Variants in CNTNAP2 observed in about 807,000 individuals in gnomAD.
CNTNAP2 encodes contactin-associated protein-like 2.
A neutral mutation model predicts 155.2 loss-of-function variants in CNTNAP2; 98 were observed. That is an observed-to-expected ratio of 0.63 (90% CI 0.54 to 0.75). The LOEUF is 0.75. Among genes scored for constraint, CNTNAP2 ranks in the 30% least tolerant of loss-of-function variants. CNTNAP2 has a pLI of 0.00. For missense variants in CNTNAP2, 1,727 were observed against 1,688.1 expected, an observed-to-expected ratio of 1.02 and a Z score of -0.40; for synonymous variants, 651 against 631.2, an observed-to-expected ratio of 1.03 and a Z score of -0.47.
intron 13 of CNTNAP2, among the ~76,000 whole-genome samples, chr7:147,810,318 A>G (rs1584967749): frequency 6.6e-6 from 1 of 152,032 alleles, no homozygotes; most frequent in South Asian, 2.1e-4. Context: ...GGATAGGCAA[A>G]GTAGACTTGG....
chr7:146,345,673 A>G (rs1210064466), intron 1 of CNTNAP2, among the ~76,000 whole-genome samples: 1 of 152,212 alleles, frequency 6.6e-6, no homozygotes, highest in Non-Finnish European at 1.5e-5. Flanking sequence ...TTCAATATGC[A>G]ATTTTAAACA....
At chr7:146,372,290 C>T (rs2129102922) in intron 1 of CNTNAP2, among the ~76,000 whole-genome samples, 1 of 152,296 alleles carries the variant, frequency 6.6e-6, no homozygotes, top group East Asian at 1.9e-4. Flanking sequence ...AATTTCTTTT[C>T]AGCCAATGCC....
rs71165017 is a variant in CNTNAP2 at position 146,596,595 on chromosome 7, C to CAGACAGAGAGAG, written c.98-177673_98-177672insCAGAGAGAGAGA. On this transcript the variant is annotated intron_variant, in intron 1 of 23. Coordinates refer to ENST00000361727, the MANE Select transcript of CNTNAP2 (RefSeq NM_014141.6). The stretch of plus-strand genomic sequence containing the variant: ...AAGAAAGAGAGAGATAGAAGGGAGA[C>CAGACAGAGAGAG]AGAGAGAGAGAGAGAGAGAGAGAGA... Among the ~76,000 whole-genome samples, 112 of 105,066 alleles carry CAGACAGAGAGAG rather than the reference C, an allele frequency of 1.1e-3. 1 individual carries two copies. Among genetic ancestry groups the CAGACAGAGAGAG allele is most frequent in the Non-Finnish European group, 1.8e-3 (91 of 50,930 alleles). 68.9% of individuals were successfully genotyped at this position (105,066 alleles called of 152,430 possible).
At position 146,721,227 on chromosome 7, in the gene CNTNAP2, TTCTCTATATACTC is replaced by T. The variant is rs1447146554; in HGVS notation, c.98-53034_98-53022del. Among the ~76,000 whole-genome samples the T allele has an allele frequency of 9.0e-5, 12 of 133,224 alleles. No individual in the cohort carries two copies. In the South Asian group the frequency reaches 2.6e-3, roughly 29 times the overall value. 87.4% of individuals were successfully genotyped at this position (133,224 alleles called of 152,430 possible). ...TCTCTGTATATATTCTCTATATATA[TTCTCTATATACTC>T]TCTCTATATTCTCTATATACTCTCT... is the stretch of plus-strand genomic sequence containing the variant. On this transcript the variant is annotated intron_variant, in intron 1 of 23. Transcript: ENST00000361727.
intron 1 of CNTNAP2, among the ~76,000 whole-genome samples, chr7:146,480,676 T>TA (rs1563100441): frequency 4.0e-5 from 5 of 125,366 alleles, no homozygotes; most frequent in South Asian, 2.3e-4. Flanking sequence ...ATATATATAT[T>TA]TTTTTTTTTC....
chr7:147,021,713 A>G (rs980316317), intron 3 of CNTNAP2, among the ~76,000 whole-genome samples: 17 of 152,170 alleles, frequency 1.1e-4, no homozygotes, highest in African/African-American at 4.1e-4. Context: ...CAACAAACTT[A>G]ATCTTATTAT....
intron 15 of CNTNAP2, among the ~76,000 whole-genome samples, chr7:148,080,932 A>G (rs1803591557): frequency 1.3e-5 from 2 of 152,160 alleles, no homozygotes; most frequent in African/African-American, 4.8e-5. Flanking sequence ...ATGTATGTGG[A>G]TGGATTCTTA....
intron 13 of CNTNAP2, among the ~76,000 whole-genome samples, chr7:147,859,809 C>T (rs1799106432): frequency 6.6e-6 from 1 of 151,956 alleles, no homozygotes; most frequent in Non-Finnish European, 1.5e-5. Context: ...AAATATTGCC[C>T]ACAGAATTGG....
rs1315073542 is a variant in CNTNAP2, at chr7:146,507,192, CAAGCCTG to C, written c.98-267075_98-267069del. On this transcript the variant is annotated intron_variant, in intron 1 of 23. Coordinates refer to ENST00000361727, the MANE Select transcript of CNTNAP2 (RefSeq NM_014141.6). ...TGTAGCCCTTCCTGTCACACTCTCA[CAAGCCTG>C]AAGGGTGGCATATACAGTTGTTAAT... Among the ~76,000 whole-genome samples, 16 of 152,312 alleles carry C rather than the reference CAAGCCTG, an allele frequency of 1.1e-4. No homozygotes were observed. The East Asian group carries it at 2.5e-3, about 24-fold the overall frequency.
chr7:147,806,414 A>G (rs1798092489), intron 13 of CNTNAP2, among the ~76,000 whole-genome samples: 1 of 152,206 alleles, frequency 6.6e-6, no homozygotes, highest in South Asian at 2.1e-4. Flanking sequence ...TAGTATAGTC[A>G]TTATGGAAAA....
intron 1 of CNTNAP2, among the ~76,000 whole-genome samples, chr7:146,722,694 C>A (rs11760743): frequency 1.4e-3 from 202 of 149,474 alleles, no homozygotes; most frequent in Non-Finnish European, 2.4e-3. Context: ...GACTGAATTG[C>A]GTCCACACAC....
intron 1 of CNTNAP2, among the ~76,000 whole-genome samples, chr7:146,669,413 T>TA (rs1372685360): frequency 6.6e-6 from 1 of 152,184 alleles, no homozygotes; most frequent in Non-Finnish European, 1.5e-5. Flanking sequence ...GATTAAGTAA[T>TA]ATACACAGGA....
rs112926342 is a variant in CNTNAP2, at chr7:147,243,061, G to A, written c.1349-57080G>A. On this transcript the variant is annotated intron_variant, in intron 8 of 23. Coordinates refer to ENST00000361727, the MANE Select transcript of CNTNAP2 (RefSeq NM_014141.6). ...TCGCCAGGCTGGAGTGCAGTGGTGCGATCCTAGCTCACTGCAACCTCCGTC... is the reference window on the plus strand; with the variant it reads ...TCGCCAGGCTGGAGTGCAGTGGTGCAATCCTAGCTCACTGCAACCTCCGTC... Among the ~76,000 whole-genome samples, 738 of 129,036 alleles carry A rather than the reference G, an allele frequency of 5.7e-3. 9 individuals carry two copies. The highest frequency in any genetic ancestry group is 0.02 in the African/African-American group (681 of 33,396). 84.7% of individuals were successfully genotyped at this position (129,036 alleles called of 152,430 possible).
intron 9 of CNTNAP2, among the ~76,000 whole-genome samples, chr7:147,358,352 A>G (rs1283571228): frequency 6.6e-5 from 10 of 152,194 alleles, no homozygotes; most frequent in Admixed American, 5.9e-4. Context: ...TAATGAAAAT[A>G]TCATATGGTA....
At chr7:147,285,604 T>C (rs1805158320) in intron 8 of CNTNAP2, among the ~76,000 whole-genome samples, 1 of 152,026 alleles carries the variant, frequency 6.6e-6, no homozygotes, top group Non-Finnish European at 1.5e-5. Context: ...TAAAAATACT[T>C]TTTGCATTGC....
intron 1 of CNTNAP2, among the ~76,000 whole-genome samples, chr7:146,741,307 T>G (rs192230180): frequency 6.6e-6 from 1 of 152,274 alleles, no homozygotes; most frequent in East Asian, 1.9e-4. Context: ...TGTGAAGGGA[T>G]GCTTGCTGGA....
In CNTNAP2 at chr7:147,631,946, C is replaced by T. The variant is rs141472414; in HGVS notation, c.1898-7160C>T. On this transcript the variant is annotated intron_variant, in intron 12 of 23. Coordinates refer to ENST00000361727, the MANE Select transcript of CNTNAP2 (RefSeq NM_014141.6). ...GGCAAAAATTTCATGACAAAGCATC[C>T]GAAAGCAAATGCACCAAAAACAAAG... 7.2e-5 allele frequency among the ~76,000 whole-genome samples: 11 copies of T among 152,144 alleles called. No homozygotes were observed. In the East Asian group the frequency reaches 1.5e-3, roughly 21 times the overall value.
chr7:146,769,817 A>C lies in CNTNAP2; in HGVS notation c.98-4454A>C, dbSNP rs112229385. 3.3e-3 allele frequency among the ~76,000 whole-genome samples: 504 copies of C among 152,320 alleles called. 3 individuals are homozygous for C. Among genetic ancestry groups the C allele is most frequent in the African/African-American group, 0.012 (492 of 41,568 alleles). On this transcript the variant is annotated intron_variant, in intron 1 of 23. Coordinates refer to ENST00000361727, the MANE Select transcript of CNTNAP2 (RefSeq NM_014141.6). ...ATTCTACTGCTGTGTGAAAGCCATC[A>C]GAGACAATACATAAATGCATGATGT...
At chr7:148,298,730 C>T (rs370490898) in intron 21 of CNTNAP2, among the ~76,000 whole-genome samples, 3 of 152,152 alleles carry the variant, frequency 2.0e-5, no homozygotes, top group East Asian at 3.9e-4. Flanking sequence ...CTCACTCTGT[C>T]ACCCAGGCTG....
Sources: allele counts gnomAD v4.1 joint callset (sites outside exome capture counted in the v4.1 genomes callset), GRCh38; gene constraint gnomAD v4.1.1; transcripts MANE v1.5; gene names NCBI Gene and HGNC (gene_info 2026-07-23, HGNC 2026-07-21).